Variants in KLHDC4 observed in about 807,000 individuals in gnomAD.
KLHDC4 encodes the protein kelch domain containing 4.
KLHDC4 carries 90 observed loss-of-function variants against 62.4 expected under a neutral mutation model. That is an observed-to-expected ratio of 1.44 (90% CI 1.22 to 1.72). The LOEUF is 1.72. Among genes scored for constraint, KLHDC4 ranks in the 40% most tolerant of loss-of-function variants. The pLI is 0.00. For missense variants in KLHDC4, 1,025 were observed against 699.7 expected (o/e 1.47, Z -5.25); for synonymous variants, 386 against 284.4 (o/e 1.36, Z -3.59).
At chr16:87,706,224 G>GC (rs977956556), downstream of KLHDC4, among the ~76,000 whole-genome samples, 3 of 98,578 alleles carry the variant, frequency 3.0e-5, no homozygotes, top group Admixed American at 1.0e-4. Context: ...GCAGCCCTCG[G>GC]GGGGGGGTCA....
At chr16:87,751,316 A>C (rs2043891191) in intron 4 of KLHDC4, among the ~76,000 whole-genome samples, 1 of 152,252 alleles carries the variant, frequency 6.6e-6, no homozygotes, top group South Asian at 2.1e-4. Context: ...TGTACTAAAA[A>C]TATAAAAATT....
At chr16:87,725,856 G>A (rs1165747747) in intron 7 of KLHDC4, among the ~76,000 whole-genome samples, 2 of 152,170 alleles carry the variant, frequency 1.3e-5, no homozygotes, top group Non-Finnish European at 2.9e-5. Context: ...CTGTTCTCAG[G>A]TTACCAAAGA....
At position 87,709,381 on chromosome 16, in the gene KLHDC4, A is replaced by G. The variant is rs768831918; in HGVS notation, c.1331T>C (p.Leu444Pro). The G allele has an allele frequency of 1.9e-6, 3 of 1,613,304 alleles. No homozygotes were observed. Among genetic ancestry groups the G allele is most frequent in the African/African-American group, 1.3e-5 (1 of 74,932 alleles). Residue 444 changes from leucine to proline, a missense_variant, in exon 10 of 12, where the codon CTC becomes CCC. Physicochemically the swap from Leu to Pro is moderately conservative, Grantham distance 98 (BLOSUM62 -3). Transcript: ENST00000270583. ...CTCAAACATGCCCCCATAGACGTAG[A>G]GCACCCCATGCTTCACAGCCAGCAT... ...NAMLAVKHGVLYVYGGMFEAG... is the reference protein window; with the variant it reads ...NAMLAVKHGVPYVYGGMFEAG...
At chr16:87,753,136 G>A (rs567732873) in intron 4 of KLHDC4, among the ~76,000 whole-genome samples, 14 of 152,350 alleles carry the variant, frequency 9.2e-5, no homozygotes, top group Non-Finnish European at 1.8e-4. Flanking sequence ...AAAAGTGGCA[G>A]GGCAGAGCAC....
At chr16:87,722,951 C>A (rs1399353297) in intron 7 of KLHDC4, among the ~76,000 whole-genome samples, 1 of 152,182 alleles carries the variant, frequency 6.6e-6, no homozygotes, top group Non-Finnish European at 1.5e-5. Context: ...TGGACGGGGC[C>A]TGCGTGGGAG....
At position 87,765,806 on chromosome 16, in the gene KLHDC4, A is replaced by G. The variant is rs148808761; in HGVS notation, c.85T>C (p.Ser29Pro). The change falls in exon 1 of 12, where the codon TCG (serine) becomes CCG (proline). Residue 29 changes from serine to proline, a missense_variant. Physicochemically the swap from Ser to Pro is moderately conservative, Grantham distance 74. Coordinates refer to ENST00000270583, the MANE Select transcript of KLHDC4 (RefSeq NM_017566.4). ...AKMEKKVSKRSRKEEEDLEAL... is the reference protein window; with the variant it reads ...AKMEKKVSKRPRKEEEDLEAL... ...GACCCGCTCACCTCCTCCTTCCGCGAGCGCTTAGACACCTTCTTCTCCATC... is the reference window on the plus strand; with the variant it reads ...GACCCGCTCACCTCCTCCTTCCGCGGGCGCTTAGACACCTTCTTCTCCATC... 310 of 1,570,218 alleles carry G rather than the reference A, an allele frequency of 2.0e-4. No homozygotes were observed. Among genetic ancestry groups the G allele is most frequent in the Middle Eastern group, 6.6e-4 (4 of 6,036 alleles).
At chr16:87,712,194 A>G (rs2036021820) in intron 8 of KLHDC4, among the ~76,000 whole-genome samples, 1 of 151,866 alleles carries the variant, frequency 6.6e-6, no homozygotes, top group South Asian at 2.1e-4. Flanking sequence ...TGATGTGCCA[A>G]CCCTCAAACA....
chr16:87,756,767 G>C (rs1046300088), intron 2 of KLHDC4, among the ~76,000 whole-genome samples: 1 of 149,892 alleles, frequency 6.7e-6, no homozygotes, highest in Non-Finnish European at 1.5e-5. Flanking sequence ...AATAAGTCCA[G>C]ATGCCCCTAC....
rs1397250427 is a variant in KLHDC4, at chr16:87,749,968, G to A, written c.370-1159C>T. ...GAGTGATGCCCTCTGGGCCACACAC[G>A]GCAAAGCACTCCGGCAGCAGGGGAT... On this transcript the variant is annotated intron_variant, in intron 4 of 11. Coordinates refer to ENST00000270583, the MANE Select transcript of KLHDC4 (RefSeq NM_017566.4). 3.3e-5 allele frequency among the ~76,000 whole-genome samples: 5 copies of A among 152,298 alleles called. No individual in the cohort carries two copies. The East Asian group carries it at 7.7e-4, about 24-fold the overall frequency.
intron 5 of KLHDC4, among the ~76,000 whole-genome samples, chr16:87,731,345 T>G (rs1194450721): frequency 6.6e-6 from 1 of 152,022 alleles, no homozygotes; most frequent in Non-Finnish European, 1.5e-5. Flanking sequence ...GTGCTGAGAT[T>G]ACAGGCATGA....
At chr16:87,719,892 G>T (rs2037911617) in intron 7 of KLHDC4, among the ~76,000 whole-genome samples, 1 of 152,216 alleles carries the variant, frequency 6.6e-6, no homozygotes, top group South Asian at 2.1e-4. Context: ...AGCTGTGCCT[G>T]AACGTTTGGA....
At chr16:87,748,399 C>A (rs1029317038) in intron 5 of KLHDC4, among the ~76,000 whole-genome samples, 1 of 152,220 alleles carries the variant, frequency 6.6e-6, no homozygotes, top group Non-Finnish European at 1.5e-5. Context: ...AGGAGAAGAG[C>A]TGCAACACAG....
intron 5 of KLHDC4, chr16:87,739,939 C>G (rs1216103993): frequency 6.6e-6 from 1 of 152,180 alleles, no homozygotes; most frequent in Admixed American, 6.6e-5. Context: ...TGCTAAAGAC[C>G]AATGAATGAC....
chr16:87,727,966 A>G (rs2143001281), intron 6 of KLHDC4, among the ~76,000 whole-genome samples: 1 of 152,266 alleles, frequency 6.6e-6, no homozygotes, highest in South Asian at 2.1e-4. Context: ...CAGGTAGATC[A>G]CTTGAGGCGA....
At position 87,707,947 on chromosome 16, in the gene KLHDC4, G is replaced by C. The variant is rs561807595; in HGVS notation, c.*130C>G. 10 of 467,494 alleles carry C rather than the reference G, an allele frequency of 2.1e-5. No homozygotes were observed. Among genetic ancestry groups the C allele is most frequent in the Admixed American group, 1.6e-4 (7 of 42,854 alleles). 29.0% of individuals were successfully genotyped at this position (467,494 alleles called of 1,614,324 possible). A position where few individuals can be genotyped will look rare whatever the true frequency, so the allele number is the denominator to read the frequency against. ...TGGGAGAAAGTTCACACCCTGGCCT[G>C]GGCCACCCACCTTCAGCTCTCTCCT... On this transcript the variant is annotated 3_prime_UTR_variant, in exon 12 of 12. Coordinates refer to ENST00000270583, the MANE Select transcript of KLHDC4 (RefSeq NM_017566.4).
intron 4 of KLHDC4, among the ~76,000 whole-genome samples, chr16:87,751,181 A>G (rs923360497): frequency 1.2e-4 from 19 of 152,244 alleles, no homozygotes; most frequent in Non-Finnish European, 7.3e-5. Flanking sequence ...ATAGATGCAT[A>G]GAAATATGAA....
At chr16:87,709,886 G>C in intron 9 of KLHDC4, 1 of 588,096 alleles carries the variant, frequency 1.7e-6, no homozygotes, top group Non-Finnish European at 2.9e-6. Context: ...CTCCTGGGCT[G>C]GGGCAGAAAA....
downstream of KLHDC4, among the ~76,000 whole-genome samples, chr16:87,702,856 T>A (rs939213214): frequency 1.3e-5 from 2 of 152,256 alleles, no homozygotes; most frequent in African/African-American, 4.8e-5. Context: ...GAACTTTTCT[T>A]ATTGATGAAG....
At chr16:87,733,294 C>T (rs1196933588) in intron 5 of KLHDC4, among the ~76,000 whole-genome samples, 1 of 152,324 alleles carries the variant, frequency 6.6e-6, no homozygotes, top group East Asian at 1.9e-4. Context: ...ACTTTCACAA[C>T]CAGAGAGAGG....
Sources: allele counts gnomAD v4.1 joint callset (sites outside exome capture counted in the v4.1 genomes callset), GRCh38; gene constraint gnomAD v4.1.1; transcripts MANE v1.5; gene names NCBI Gene and HGNC (gene_info 2026-07-23, HGNC 2026-07-21).